ZFYVE9: variants seen among roughly 807,000 people sequenced by gnomAD.
ZFYVE9 encodes the protein zinc finger FYVE domain-containing protein 9.
In ZFYVE9, 43 loss-of-function variants were observed where a neutral mutation model predicts 126.7. The observed-to-expected ratio is 0.34, with a 90% confidence interval of 0.27 to 0.44. ZFYVE9 has a LOEUF of 0.44. ZFYVE9 is among the 20% of genes least tolerant of loss of function. The pLI, the probability that ZFYVE9 is intolerant of heterozygous loss-of-function variation, is 1.00. For synonymous variants in ZFYVE9, 521 were observed against 597.4 expected, an observed-to-expected ratio of 0.87 and a Z score of 1.87; for missense variants, 1,476 against 1,697.0, an observed-to-expected ratio of 0.87 and a Z score of 2.29.
rs1557484110 is a variant in ZFYVE9, at chr1:52,255,948, CTTTTCT to C, written c.2179-7821_2179-7816del. Among the ~76,000 whole-genome samples the C allele has an allele frequency of 6.2e-5, 7 of 113,686 alleles. 1 individual carries two copies. The highest frequency in any genetic ancestry group is 2.6e-4 in the Admixed American group (3 of 11,454). 74.6% of individuals were successfully genotyped at this position (113,686 alleles called of 152,430 possible). A position where few individuals can be genotyped will look rare whatever the true frequency, so the allele number is the denominator to read the frequency against. ...CTTTTCTTTTCTTTTCTTTTCTTTT[CTTTTCT>C]TTTCTTTTCTTTTCTTTCTTTCTTT... On this transcript the variant is annotated intron_variant, in intron 4 of 18. Transcript: ENST00000287727.
At chr1:52,231,621 A>G (rs1645222158) in intron 2 of ZFYVE9, among the ~76,000 whole-genome samples, 1 of 152,080 alleles carries the variant, frequency 6.6e-6, no homozygotes. Context: ...TAATCATGGG[A>G]AAATACTCTT....
intron 7 of ZFYVE9, among the ~76,000 whole-genome samples, chr1:52,269,156 TAG>T (rs1202597794): frequency 6.6e-6 from 1 of 152,116 alleles, no homozygotes; most frequent in African/African-American, 2.4e-5. Flanking sequence ...TTTTTTGAGA[TAG>T]AGTCTCTGTT....
intron 10 of ZFYVE9, among the ~76,000 whole-genome samples, chr1:52,292,525 G>T (rs974184241): frequency 1.4e-5 from 2 of 140,654 alleles, no homozygotes; most frequent in Non-Finnish European, 3.0e-5. Flanking sequence ...AGGCTGGAGC[G>T]CAGTGGCACA....
rs147601473 is a variant in ZFYVE9, at chr1:52,203,881, C to T, written c.-142-12488C>T. 2.4e-3 allele frequency among the ~76,000 whole-genome samples: 361 copies of T among 152,092 alleles called. 3 individuals carry two copies. Among genetic ancestry groups the T allele is most frequent in the Admixed American group, 7.5e-3 (114 of 15,270 alleles). ...CAAAGGCATTCTTCATTTCTGTTAT[C>T]GTGTTTTTGATCTCTAGCATTTCTT... On this transcript the variant is annotated intron_variant, in intron 1 of 18. Coordinates refer to ENST00000287727, the MANE Select transcript of ZFYVE9 (RefSeq NM_004799.4).
At chr1:52,282,894 ATAAT>A (rs2147818180) in intron 10 of ZFYVE9, among the ~76,000 whole-genome samples, 1 of 152,326 alleles carries the variant, frequency 6.6e-6, no homozygotes, top group South Asian at 2.1e-4. Flanking sequence ...TGCTCTTTAA[ATAAT>A]TACAGAAGCA....
Position 52,238,694 on chromosome 1 carries a change from G to A in ZFYVE9, c.1277G>A (p.Ser426Asn), listed in dbSNP as rs913543035. The change falls in exon 4 of 19, where the codon AGT becomes AAT. Residue 426 changes from serine (S) to asparagine (N), a missense_variant. Transcript: ENST00000287727. ...GAAAAGGAAAAGTTTCTACAGATTA[G>A]TCAGCCTGAGGACACTAATGGTGAT... ...NEEKEKFLQI[S>N]QPEDTNGDSG... 9.9e-6 allele frequency: 16 copies of A among 1,614,110 alleles called. No individual in the cohort carries two copies. Among genetic ancestry groups the A allele is most frequent in the African/African-American group, 2.7e-5 (2 of 75,046 alleles).
intron 11 of ZFYVE9, among the ~76,000 whole-genome samples, chr1:52,295,474 C>T (rs1283011264): frequency 6.6e-6 from 1 of 152,054 alleles, no homozygotes; most frequent in African/African-American, 2.4e-5. Context: ...TTCTACCTCT[C>T]AGCCTCCCAA....
intron 10 of ZFYVE9, among the ~76,000 whole-genome samples, chr1:52,289,623 T>G (rs1645898101): frequency 6.6e-6 from 1 of 152,210 alleles, no homozygotes; most frequent in South Asian, 2.1e-4. Flanking sequence ...ATTCAAGAGC[T>G]TCAGATTAGG....
intron 2 of ZFYVE9, among the ~76,000 whole-genome samples, chr1:52,216,735 A>G (rs1645075435): frequency 1.3e-5 from 2 of 152,222 alleles, no homozygotes; most frequent in Non-Finnish European, 2.9e-5. Context: ...GAGTTTGTTG[A>G]CCATAGAAAG....
intron 1 of ZFYVE9, among the ~76,000 whole-genome samples, chr1:52,205,067 A>ATTTT (rs891218048): frequency 5.9e-5 from 7 of 117,776 alleles, no homozygotes; most frequent in South Asian, 5.5e-4. Flanking sequence ...TGTGCTGTGA[A>ATTTT]TTTTTTTTTT....
intron 1 of ZFYVE9, among the ~76,000 whole-genome samples, chr1:52,206,077 A>G (rs886698054): frequency 6.6e-6 from 1 of 152,334 alleles, no homozygotes; most frequent in South Asian, 2.1e-4. Flanking sequence ...TTGCAGGTTA[A>G]GGCAATCCAC....
intron 4 of ZFYVE9, among the ~76,000 whole-genome samples, chr1:52,249,331 C>T (rs1166152206): frequency 1.3e-5 from 2 of 152,072 alleles, no homozygotes; most frequent in African/African-American, 4.8e-5. Flanking sequence ...TTTGATATAG[C>T]CATATTAATA....
intron 4 of ZFYVE9, among the ~76,000 whole-genome samples, chr1:52,261,596 T>C (rs1205905011): frequency 6.6e-6 from 1 of 152,190 alleles, no homozygotes; most frequent in African/African-American, 2.4e-5. Context: ...GTCTCTTTAT[T>C]AGAAAGGTTA....
At chr1:52,226,717 A>G (rs1645173846) in intron 2 of ZFYVE9, among the ~76,000 whole-genome samples, 1 of 152,222 alleles carries the variant, frequency 6.6e-6, no homozygotes, top group East Asian at 1.9e-4. Context: ...GACATGAGAC[A>G]TCAATCAACA....
chr1:52,225,211 C>T (rs761678040), intron 2 of ZFYVE9, among the ~76,000 whole-genome samples: 4 of 152,178 alleles, frequency 2.6e-5, no homozygotes, highest in Non-Finnish European at 4.4e-5. Flanking sequence ...CTCCCTATAG[C>T]CCATGTTGCT....
intron 13 of ZFYVE9, among the ~76,000 whole-genome samples, chr1:52,330,528 C>G (rs1462730325): frequency 2.6e-5 from 4 of 152,084 alleles, no homozygotes; most frequent in East Asian, 1.9e-4. Context: ...CTTTTTAGAT[C>G]ATATAGGGTA....
At chr1:52,184,278 G>A in intron 1 of ZFYVE9, among the ~76,000 whole-genome samples, 1 of 147,986 alleles carries the variant, frequency 6.8e-6, no homozygotes, top group Non-Finnish European at 1.5e-5. Context: ...AGGCTGGAGT[G>A]CAGTGGCATG....
At chr1:52,202,064 G>A (rs1011488524) in intron 1 of ZFYVE9, among the ~76,000 whole-genome samples, 10 of 151,810 alleles carry the variant, frequency 6.6e-5, no homozygotes, top group African/African-American at 9.7e-5. Context: ...GATTACAGGC[G>A]TGAGCCACCG....
At chr1:52,167,026 A>G (rs1644520396) in intron 1 of ZFYVE9, among the ~76,000 whole-genome samples, 1 of 152,268 alleles carries the variant, frequency 6.6e-6, no homozygotes, top group African/African-American at 2.4e-5. Flanking sequence ...ATTGAATATG[A>G]TTCCAATATA....
Sources: allele counts gnomAD v4.1 joint callset (sites outside exome capture counted in the v4.1 genomes callset), GRCh38; gene constraint gnomAD v4.1.1; transcripts MANE v1.5; gene names NCBI Gene and HGNC (gene_info 2026-07-23, HGNC 2026-07-21).